The following GRIN2B variants were observed in gnomAD, a reference collection of about 807,000 sequenced individuals.
GRIN2B encodes glutamate ionotropic receptor NMDA type subunit 2B.
A neutral mutation model predicts 114.5 loss-of-function variants in GRIN2B; 5 were observed. The ratio of observed to expected loss-of-function variants is 0.04; its 90% confidence interval spans 0.02 to 0.09. The LOEUF (loss-of-function observed/expected upper bound fraction) is 0.09, where lower values mean the gene tolerates loss of function less well. GRIN2B is among the 10% of genes least tolerant of loss of function. The probability of loss-of-function intolerance (pLI) is 1.00; values close to 1 mark genes in which losing one functional copy is unlikely to be tolerated. For missense variants in GRIN2B, 1,108 were observed against 1,943.5 expected (o/e 0.57, Z 8.08); for synonymous variants, 787 against 745.1 (o/e 1.06, Z -0.92).
intron 4 of GRIN2B, among the ~76,000 whole-genome samples, chr12:13,737,352 C>A (rs985811357): frequency 6.6e-6 from 1 of 151,918 alleles, no homozygotes; most frequent in African/African-American, 2.4e-5. Flanking sequence ...GCTGGGACTA[C>A]AGGCACCTGA....
At chr12:13,765,259 T>C (rs992493235) in intron 3 of GRIN2B, among the ~76,000 whole-genome samples, 1 of 152,178 alleles carries the variant, frequency 6.6e-6, no homozygotes, top group Non-Finnish European at 1.5e-5. Context: ...AACACATTAG[T>C]CCAGCTCATA....
At chr12:13,978,602 T>G (rs1279500846) in intron 2 of GRIN2B, among the ~76,000 whole-genome samples, 1 of 151,982 alleles carries the variant, frequency 6.6e-6, no homozygotes, top group Non-Finnish European at 1.5e-5. Flanking sequence ...GAAAAAAAAA[T>G]TGTGTGTGTG....
In GRIN2B at chr12:13,548,055, T is replaced by C. The variant is rs1948368613; in HGVS notation, c.*14728A>G. The C allele has an allele frequency of 6.9e-6, 1 of 145,058 alleles. No individual in the cohort carries two copies. The highest frequency in any genetic ancestry group is 7.1e-5 in the Admixed American group (1 of 14,094). The allele number at this position is 145,058 out of a possible 1,614,324, so 9.0% of individuals were successfully genotyped here. A position where few individuals can be genotyped will look rare whatever the true frequency, so the allele number is the denominator to read the frequency against. On this transcript the variant is annotated 3_prime_UTR_variant, in exon 14 of 14. Coordinates refer to ENST00000609686, the MANE Select transcript of GRIN2B (RefSeq NM_000834.5). ...AGCTGCCAAGGTGCCAATGATCAAA[T>C]AGAGAAGTCTAGCTTGGAAATAAAT...
intron 2 of GRIN2B, among the ~76,000 whole-genome samples, chr12:13,932,263 G>T (rs1867048314): frequency 1.3e-5 from 2 of 152,094 alleles, no homozygotes; most frequent in Non-Finnish European, 2.9e-5. Context: ...TGATCTATCA[G>T]GTATCTGCAC....
intron 4 of GRIN2B, among the ~76,000 whole-genome samples, chr12:13,704,152 A>C (rs1245387946): frequency 6.6e-6 from 1 of 152,178 alleles, no homozygotes; most frequent in African/African-American, 2.4e-5. Context: ...TATCAAAGTC[A>C]TCAATTAGGA....
chr12:13,801,637 G>A (rs879447760), intron 3 of GRIN2B, among the ~76,000 whole-genome samples: 1 of 152,152 alleles, frequency 6.6e-6, no homozygotes, highest in Non-Finnish European at 1.5e-5. Flanking sequence ...TTCCTTCCGG[G>A]TGAGGTGATC....
chr12:13,940,736 AG>A (rs1397067083), intron 2 of GRIN2B, among the ~76,000 whole-genome samples: 1 of 125,042 alleles, frequency 8.0e-6, no homozygotes, highest in African/African-American at 3.4e-5. Flanking sequence ...AAAAGGGAGC[AG>A]GGGTGAAATT....
chr12:13,587,636 T>C (rs1948947426), intron 10 of GRIN2B, among the ~76,000 whole-genome samples: 1 of 152,224 alleles, frequency 6.6e-6, no homozygotes, highest in Non-Finnish European at 1.5e-5. Flanking sequence ...ATTATAGGCA[T>C]GAGCCACCAC....
chr12:13,798,775 A>G (rs1864457991), intron 3 of GRIN2B, among the ~76,000 whole-genome samples: 1 of 152,222 alleles, frequency 6.6e-6, no homozygotes, highest in African/African-American at 2.4e-5. Context: ...TCATTCTAGA[A>G]CATTTCAACA....
chr12:13,655,615 A>G (rs1838421166), intron 5 of GRIN2B, among the ~76,000 whole-genome samples: 1 of 152,180 alleles, frequency 6.6e-6, no homozygotes, highest in South Asian at 2.1e-4. Context: ...TGGCTCTTCC[A>G]TTGACTAGCT....
intron 3 of GRIN2B, among the ~76,000 whole-genome samples, chr12:13,773,678 C>T (rs1863949551): frequency 6.6e-6 from 1 of 152,174 alleles, no homozygotes; most frequent in African/African-American, 2.4e-5. Context: ...ACTGATACTC[C>T]AAACCCCTTC....
At chr12:13,886,312 G>A (rs544951958) in intron 2 of GRIN2B, among the ~76,000 whole-genome samples, 11 of 152,278 alleles carry the variant, frequency 7.2e-5, no homozygotes, top group Non-Finnish European at 1.6e-4. Flanking sequence ...CTCCAAAGAA[G>A]CATCCTATAC....
intron 3 of GRIN2B, among the ~76,000 whole-genome samples, chr12:13,834,020 CTTTTTTT>C (rs71067731): frequency 2.2e-4 from 16 of 72,540 alleles, no homozygotes; most frequent in African/African-American, 6.3e-4. Flanking sequence ...TTGCTAACTT[CTTTTTTT>C]TTTTTTTTTT....
At chr12:13,776,441 AC>A (rs141938512) in intron 3 of GRIN2B, among the ~76,000 whole-genome samples, 3,288 of 152,288 alleles carry the variant, frequency 0.022, 114 homozygotes, top group African/African-American at 0.074. Context: ...TAATAAAAAA[AC>A]TTCCCATTTT....
chr12:13,814,568 G>T (rs1428386096), intron 3 of GRIN2B, among the ~76,000 whole-genome samples: 1 of 152,164 alleles, frequency 6.6e-6, no homozygotes, highest in African/African-American at 2.4e-5. Context: ...CACCATTACA[G>T]ATTTTCACAA....
intron 2 of GRIN2B, among the ~76,000 whole-genome samples, chr12:13,886,024 A>G (rs758617729): frequency 3.9e-5 from 6 of 152,172 alleles, no homozygotes; most frequent in African/African-American, 7.2e-5. Context: ...TGTGCACTAA[A>G]GAGAAGCCCT....
chr12:13,791,566 T>C (rs1864322821), intron 3 of GRIN2B, among the ~76,000 whole-genome samples: 1 of 152,176 alleles, frequency 6.6e-6, no homozygotes, highest in African/African-American at 2.4e-5. Context: ...CTGTTTCTTA[T>C]TGGGGTACCT....
rs1565474476 is a variant in GRIN2B at position 13,608,513 on chromosome 12, A to G, written c.2010+90T>C. The G allele has an allele frequency of 4.4e-5, 42 of 948,726 alleles. No individual in the cohort carries two copies. In the South Asian group the frequency reaches 5.6e-4, roughly 13 times the overall value. 58.8% of individuals were successfully genotyped at this position (948,726 alleles called of 1,614,324 possible). On this transcript the variant is annotated intron_variant, in intron 10 of 13. Transcript: ENST00000609686. ...TAAGAAAGAACGGTCAATTCCAAAA[A>G]TTTAGAAGACAAGCAGGTACATGAG...
intron 3 of GRIN2B, among the ~76,000 whole-genome samples, chr12:13,793,127 G>C (rs1416550085): frequency 3.9e-5 from 6 of 152,102 alleles, no homozygotes; most frequent in African/African-American, 1.4e-4. Context: ...TCAACTCAGG[G>C]CAGGCACAGT....
Sources: gnomAD v4.1 joint callset for allele counts (sites outside exome capture counted in the v4.1 genomes callset) on GRCh38, gnomAD v4.1.1 for gene constraint, MANE v1.5 for transcripts, NCBI Gene and HGNC (gene_info 2026-07-23, HGNC 2026-07-21) for gene names.